NRXN1: variants seen among roughly 807,000 people sequenced by gnomAD.
NRXN1 encodes the protein neurexin 1.
Under a neutral mutation model 150.9 loss-of-function variants are expected in NRXN1, and 39 were observed. That is an observed-to-expected ratio of 0.26 (90% CI 0.20 to 0.34). The LOEUF is 0.34. Among genes scored for constraint, NRXN1 ranks in the 10% least tolerant of loss-of-function variants. The pLI, the probability that NRXN1 is intolerant of heterozygous loss-of-function variation, is 1.00. For missense variants in NRXN1, 1,815 were observed against 1,949.9 expected, an observed-to-expected ratio of 0.93 and a Z score of 1.30; for synonymous variants, 924 against 757.0, an observed-to-expected ratio of 1.22 and a Z score of -3.62.
intron 5 of NRXN1, chr2:50,829,765 G>A: frequency 1.3e-6 from 2 of 1,559,698 alleles, no homozygotes; most frequent in East Asian, 2.4e-5. Context: ...CCGCTTAAGT[G>A]CCACTCAGCC....
At chr2:50,247,186 G>T (rs1248136918) in intron 17 of NRXN1, among the ~76,000 whole-genome samples, 1 of 151,996 alleles carries the variant, frequency 6.6e-6, no homozygotes, top group Non-Finnish European at 1.5e-5. Flanking sequence ...AAATTATTCT[G>T]ATAAGAAAAA....
intron 22 of NRXN1, among the ~76,000 whole-genome samples, chr2:49,932,022 T>C (rs983726162): frequency 6.6e-6 from 1 of 152,152 alleles, no homozygotes; most frequent in Non-Finnish European, 1.5e-5. Flanking sequence ...AAGACAAAAA[T>C]GGCAACATTA....
intron 21 of NRXN1, among the ~76,000 whole-genome samples, chr2:49,948,618 T>A (rs1360855919): frequency 6.6e-6 from 1 of 151,816 alleles, no homozygotes; most frequent in East Asian, 1.9e-4. Flanking sequence ...GGGAAGAAAA[T>A]CAAATTTCAC....
chr2:49,935,446 T>G (rs1670867522), intron 22 of NRXN1, among the ~76,000 whole-genome samples: 1 of 152,314 alleles, frequency 6.6e-6, no homozygotes, highest in African/African-American at 2.4e-5. Flanking sequence ...ATTTTTAACC[T>G]GGAAATGTAA....
intron 17 of NRXN1, among the ~76,000 whole-genome samples, chr2:50,369,707 G>C (rs1236439641): frequency 1.3e-5 from 2 of 151,956 alleles, no homozygotes; most frequent in African/African-American, 4.8e-5. Context: ...AGTAAGTGAT[G>C]CTGAAATAAC....
chr2:50,207,122 G>T (rs923053693), intron 18 of NRXN1, among the ~76,000 whole-genome samples: 1 of 151,986 alleles, frequency 6.6e-6, no homozygotes, highest in East Asian at 1.9e-4. Flanking sequence ...TACCGATGGG[G>T]TATAAACAAG....
At position 50,167,871 on chromosome 2, in the gene NRXN1, T is replaced by G. The variant is rs547075200; in HGVS notation, c.3546+68918A>C. ...GAGCTATGGTCCAGGATTACATGCA[T>G]AGTAGACTTCTGAAGAAAGACAACC... On this transcript the variant is annotated intron_variant, in intron 18 of 22. Transcript: ENST00000401669. Among the ~76,000 whole-genome samples the G allele has an allele frequency of 2.6e-5, 4 of 152,326 alleles. No homozygotes were observed. The South Asian group carries it at 6.2e-4, about 24-fold the overall frequency.
intron 17 of NRXN1, among the ~76,000 whole-genome samples, chr2:50,431,139 A>G (rs749289936): frequency 2.0e-5 from 3 of 152,116 alleles, no homozygotes; most frequent in Non-Finnish European, 2.9e-5. Context: ...TCTTCTTCAA[A>G]CATTATCTCT....
intron 21 of NRXN1, among the ~76,000 whole-genome samples, chr2:49,987,495 A>C (rs1202795531): frequency 1.3e-5 from 2 of 152,090 alleles, no homozygotes; most frequent in African/African-American, 4.8e-5. Context: ...CCTGATGGAG[A>C]TCATCATTAC....
Position 51,027,489 on chromosome 2 carries a change from C to T in NRXN1, c.772+13G>A. On this transcript the variant is annotated intron_variant, in intron 2 of 22. Coordinates refer to ENST00000401669, the MANE Select transcript of NRXN1 (RefSeq NM_001330078.2). ...CAGGCCCCGGCCCCCGTGGGTCGGGCGTCGGGCCTTACCTTGGCTGCAGTC... is the reference window on the plus strand; with the variant it reads ...CAGGCCCCGGCCCCCGTGGGTCGGGTGTCGGGCCTTACCTTGGCTGCAGTC... 6.6e-7 allele frequency: 1 copy of T among 1,506,826 alleles called. No homozygotes were observed. 93.3% of individuals were successfully genotyped at this position (1,506,826 alleles called of 1,614,324 possible).
chr2:50,748,298 G>A lies in NRXN1; in HGVS notation c.833-124683C>T, dbSNP rs572257269. 1.1e-4 allele frequency among the ~76,000 whole-genome samples: 17 copies of A among 152,244 alleles called. No individual in the cohort carries two copies. The East Asian group carries it at 2.5e-3, about 23-fold the overall frequency. On this transcript the variant is annotated intron_variant, in intron 5 of 22. Coordinates refer to ENST00000401669, the MANE Select transcript of NRXN1 (RefSeq NM_001330078.2). ...CCATAGGCCTGTTTTAGCACACTGCGCAGCACTGATAAGGTTAAATAGAAA... is the reference window on the plus strand; with the variant it reads ...CCATAGGCCTGTTTTAGCACACTGCACAGCACTGATAAGGTTAAATAGAAA...
chr2:50,743,454 T>C (rs916631524), intron 5 of NRXN1, among the ~76,000 whole-genome samples: 10 of 152,150 alleles, frequency 6.6e-5, no homozygotes, highest in African/African-American at 1.9e-4. Context: ...TTATGTTAGC[T>C]GGGAAATGGA....
At chr2:50,652,737 T>C (rs977107178) in intron 5 of NRXN1, among the ~76,000 whole-genome samples, 4 of 152,080 alleles carry the variant, frequency 2.6e-5, no homozygotes, top group South Asian at 4.1e-4. Flanking sequence ...CTGAGTCATA[T>C]GATAAATCTA....
At position 50,255,894 on chromosome 2, in the gene NRXN1, A is replaced by C. The variant is rs2067652219; in HGVS notation, c.3365-18924T>G. Reference sequence around the variant, plus strand: ...TTAAGAGTGATTCCTTTTGCTCTCAAATCTTCTAGATCATTTATCAAAGAA... The same window carrying C: ...TTAAGAGTGATTCCTTTTGCTCTCACATCTTCTAGATCATTTATCAAAGAA... On this transcript the variant is annotated intron_variant, in intron 17 of 22. Transcript: ENST00000401669. Among the ~76,000 whole-genome samples, 4 of 152,230 alleles carry C rather than the reference A, an allele frequency of 2.6e-5. No individual in the cohort carries two copies. In the South Asian group the frequency reaches 8.3e-4, roughly 32 times the overall value.
intron 21 of NRXN1, among the ~76,000 whole-genome samples, chr2:50,010,687 A>G (rs1020536097): frequency 4.6e-5 from 7 of 152,110 alleles, no homozygotes; most frequent in Non-Finnish European, 1.0e-4. Context: ...GTTTTTGGTT[A>G]CACAGCCCAG....
intron 18 of NRXN1, among the ~76,000 whole-genome samples, chr2:50,137,301 A>G (rs1706569030): frequency 6.6e-6 from 1 of 152,212 alleles, no homozygotes; most frequent in Admixed American, 6.5e-5. Flanking sequence ...GTGTTCACCA[A>G]GCGCATACTC....
chr2:50,499,924 G>A (rs1480604474), intron 13 of NRXN1, among the ~76,000 whole-genome samples: 3 of 147,544 alleles, frequency 2.0e-5, no homozygotes, highest in African/African-American at 5.2e-5. Context: ...CTCCAGCCTG[G>A]GCAACAGAGC....
intron 5 of NRXN1, among the ~76,000 whole-genome samples, chr2:50,824,983 A>AGTG (rs1670247191): frequency 1.3e-5 from 2 of 152,228 alleles, no homozygotes; most frequent in South Asian, 4.1e-4. Flanking sequence ...AATTAACAGC[A>AGTG]CGCAAGTGAT....
At position 50,573,617 on chromosome 2, in the gene NRXN1, G is replaced by C. The variant is rs914091163; in HGVS notation, c.1321-20592C>G. On this transcript the variant is annotated intron_variant, in intron 8 of 22. Coordinates refer to ENST00000401669, the MANE Select transcript of NRXN1 (RefSeq NM_001330078.2). ...TTACAACCAAGTTAAGGTAAGAAAT[G>C]AAACAGCATCTCATTGGGGTGGAAT... 7.2e-5 allele frequency among the ~76,000 whole-genome samples: 11 copies of C among 152,014 alleles called. No individual in the cohort carries two copies. In the South Asian group the frequency reaches 1.2e-3, roughly 17 times the overall value.
Sources: gnomAD v4.1 joint callset for allele counts (sites outside exome capture counted in the v4.1 genomes callset) on GRCh38, gnomAD v4.1.1 for gene constraint, MANE v1.5 for transcripts, NCBI Gene and HGNC (gene_info 2026-07-23, HGNC 2026-07-21) for gene names.